Variants in CALN1 observed in about 807,000 individuals in gnomAD.
The protein encoded by CALN1 is calcium-binding protein 8.
CALN1 carries 17 observed loss-of-function variants against 30.6 expected under a neutral mutation model. The ratio of observed to expected loss-of-function variants is 0.56; its 90% CI spans 0.38 to 0.83. The LOEUF is 0.83. Ranked by LOEUF, CALN1 falls within the 40% of genes least tolerant of loss-of-function variation. The probability of loss-of-function intolerance (pLI) is 0.00; values close to 1 mark genes in which losing one functional copy is unlikely to be tolerated. For synonymous variants in CALN1, 156 were observed against 131.4 expected, an observed-to-expected ratio of 1.19 and a Z score of -1.28; for missense variants, 291 against 354.9, an observed-to-expected ratio of 0.82 and a Z score of 1.45.
At chr7:72,267,530 G>C (rs1322733612) in intron 3 of CALN1, among the ~76,000 whole-genome samples, 2 of 152,186 alleles carry the variant, frequency 1.3e-5, no homozygotes. Context: ...TGACATGACG[G>C]GTACAAGGGA....
chr7:72,160,724 T>C (rs1003099118), intron 3 of CALN1, among the ~76,000 whole-genome samples: 1 of 152,206 alleles, frequency 6.6e-6, no homozygotes, highest in Non-Finnish European at 1.5e-5. Context: ...GAGCTACTTA[T>C]TATCTCAGCT....
intron 5 of CALN1, among the ~76,000 whole-genome samples, chr7:71,978,313 C>T (rs970667822): frequency 1.4e-5 from 2 of 138,930 alleles, no homozygotes; most frequent in Non-Finnish European, 3.0e-5. Context: ...GCTCTGTCAC[C>T]CAGGCTGGAG....
At position 72,157,446 on chromosome 7, in the gene CALN1, C is replaced by T. The variant is rs191610472; in HGVS notation, c.245-51152G>A. On this transcript the variant is annotated intron_variant, in intron 3 of 6. Coordinates refer to ENST00000395275, the MANE Select transcript of CALN1 (RefSeq NM_031468.4). ...TGCTACGGGAGGACTCAGGGGCTTCCAACAATGCCTAGTGAGAGAAAGGTC... is the reference window on the plus strand; with the variant it reads ...TGCTACGGGAGGACTCAGGGGCTTCTAACAATGCCTAGTGAGAGAAAGGTC... Among the ~76,000 whole-genome samples, 3 of 152,084 alleles carry T rather than the reference C, an allele frequency of 2.0e-5. No homozygotes were observed. In the East Asian group the frequency reaches 5.8e-4, roughly 29 times the overall value.
chr7:71,846,768 G>GTATATAAATATATATATA, intron 5 of CALN1, among the ~76,000 whole-genome samples: 1 of 145,420 alleles, frequency 6.9e-6, no homozygotes, highest in East Asian at 2.0e-4. Flanking sequence ...GTATATACAC[G>GTATATAAATATATATATA]TATATAAATA....
chr7:72,503,303 A>C, the CALN1 span, among the ~76,000 whole-genome samples: 1 of 151,870 alleles, frequency 6.6e-6, no homozygotes, highest in Non-Finnish European at 1.5e-5. Context: ...CCTCACCTTC[A>C]TCCAATGTTC....
At chr7:72,313,163 G>T (rs1800178514) in intron 2 of CALN1, among the ~76,000 whole-genome samples, 1 of 151,978 alleles carries the variant, frequency 6.6e-6, no homozygotes, top group Admixed American at 6.6e-5. Context: ...ATTAAACCAG[G>T]GTGGCACTGG....
intron 4 of CALN1, among the ~76,000 whole-genome samples, chr7:72,091,498 T>A (rs1288461620): frequency 6.6e-6 from 1 of 152,174 alleles, no homozygotes; most frequent in East Asian, 1.9e-4. Context: ...TATCAAAATA[T>A]CACATGTACC....
intron 3 of CALN1, among the ~76,000 whole-genome samples, chr7:72,246,873 G>A: frequency 6.7e-6 from 1 of 150,106 alleles, no homozygotes; most frequent in Non-Finnish European, 1.5e-5. Flanking sequence ...TCATGCCTCA[G>A]CCTCCCAAGT....
chr7:72,425,031 A>G (rs541365255), intron 1 of CALN1, among the ~76,000 whole-genome samples: 2 of 152,216 alleles, frequency 1.3e-5, no homozygotes, highest in South Asian at 2.1e-4. Context: ...TCTAGGACTC[A>G]TTGACATGAT....
At chr7:71,811,264 G>C (rs1266753747) in intron 5 of CALN1, among the ~76,000 whole-genome samples, 3 of 152,060 alleles carry the variant, frequency 2.0e-5, no homozygotes, top group Non-Finnish European at 4.4e-5. Flanking sequence ...CTGGAGTCCA[G>C]TGGTGTGATC....
At chr7:72,311,927 G>A (rs1232327575) in intron 2 of CALN1, among the ~76,000 whole-genome samples, 2 of 152,090 alleles carry the variant, frequency 1.3e-5, no homozygotes, top group Non-Finnish European at 2.9e-5. Context: ...GAGCATAGGA[G>A]AGTGATGGGA....
At chr7:71,788,904 C>T (rs1016483366) in intron 6 of CALN1, among the ~76,000 whole-genome samples, 10 of 152,060 alleles carry the variant, frequency 6.6e-5, no homozygotes, top group Non-Finnish European at 1.2e-4. Context: ...GTGATCTACC[C>T]GCCTTGGCCT....
chr7:72,030,099 A>C (rs1801339278), intron 4 of CALN1, among the ~76,000 whole-genome samples: 1 of 152,242 alleles, frequency 6.6e-6, no homozygotes. Context: ...ATTGTAGGAC[A>C]TCCAGTCCAG....
At chr7:72,469,990 T>G in the CALN1 span, among the ~76,000 whole-genome samples, 1 of 152,192 alleles carries the variant, frequency 6.6e-6, no homozygotes, top group Admixed American at 6.5e-5. Flanking sequence ...GCAGAGCCAG[T>G]GTAGAATTAC....
At chr7:72,310,652 C>G (rs1288796330) in intron 2 of CALN1, among the ~76,000 whole-genome samples, 1 of 151,700 alleles carries the variant, frequency 6.6e-6, no homozygotes, top group Non-Finnish European at 1.5e-5. Flanking sequence ...GCCTATAATC[C>G]CAGCACTTTG....
intron 5 of CALN1, among the ~76,000 whole-genome samples, chr7:71,848,620 C>CACACACAT (rs1277053132): frequency 6.6e-6 from 1 of 152,064 alleles, no homozygotes; most frequent in African/African-American, 2.4e-5. Flanking sequence ...ATGAAACACA[C>CACACACAT]ACACACATAC....
chr7:72,460,500 CAGG>C, the CALN1 span, among the ~76,000 whole-genome samples: 1 of 151,960 alleles, frequency 6.6e-6, no homozygotes, highest in Non-Finnish European at 1.5e-5. Context: ...GGCGTGGTGG[CAGG>C]TGCCTGTAGT....
chr7:72,059,856 T>C (rs1803525831), intron 4 of CALN1, among the ~76,000 whole-genome samples: 1 of 152,122 alleles, frequency 6.6e-6, no homozygotes, highest in Admixed American at 6.5e-5. Context: ...GAAGCAACAC[T>C]CTACCCTGCT....
At chr7:72,452,703 C>A in the CALN1 span, among the ~76,000 whole-genome samples, 4 of 152,280 alleles carry the variant, frequency 2.6e-5, no homozygotes, top group East Asian at 7.7e-4. Flanking sequence ...ATTCAGGGAG[C>A]TTAGCTTTAT....
Sources: gnomAD v4.1 joint callset for allele counts (sites outside exome capture counted in the v4.1 genomes callset) on GRCh38, gnomAD v4.1.1 for gene constraint, MANE v1.5 for transcripts, NCBI Gene and HGNC (gene_info 2026-07-23, HGNC 2026-07-21) for gene names.